Variants in ZZEF1 observed in about 807,000 individuals in gnomAD.
ZZEF1 encodes zinc finger ZZ-type and EF-hand domain containing 1.
Under a neutral mutation model 342.8 loss-of-function variants are expected in ZZEF1, and 157 were observed. That is an observed-to-expected ratio of 0.46 (90% confidence interval 0.40 to 0.52). The LOEUF (loss-of-function observed/expected upper bound fraction) is 0.52. ZZEF1 is among the 20% of genes least tolerant of loss of function. The pLI is 0.00. For synonymous variants in ZZEF1, 1,505 were observed against 1,429.1 expected (o/e 1.05, Z -1.20); for missense variants, 3,480 against 3,725.6 (o/e 0.93, Z 1.72).
chr17:4,140,751 C>T (rs1597958633), intron 1 of ZZEF1, among the ~76,000 whole-genome samples: 1 of 152,118 alleles, frequency 6.6e-6, no homozygotes, highest in African/African-American at 2.4e-5. Flanking sequence ...CTCCATTTGC[C>T]TTTGCTCAAA....
At chr17:4,128,713 C>T (rs1269114263) in intron 1 of ZZEF1, among the ~76,000 whole-genome samples, 1 of 151,196 alleles carries the variant, frequency 6.6e-6, no homozygotes, top group Non-Finnish European at 1.5e-5. Flanking sequence ...CTGCCTGCCT[C>T]GGCCTCCCAA....
At chr17:4,088,552 C>A in intron 13 of ZZEF1, 126 bp downstream of exon 13, 1 of 991,792 alleles carries the variant, frequency 1.0e-6, no homozygotes, top group Non-Finnish European at 1.5e-6. Context: ...CATGTCCCTG[C>A]AGCAGTACAA....
rs536595511 is a variant in ZZEF1, at chr17:4,092,265, CGA to C, written c.1914-1437_1914-1436del. On this transcript the variant is annotated intron_variant, in intron 11 of 54. Coordinates refer to ENST00000381638, the MANE Select transcript of ZZEF1 (RefSeq NM_015113.4). ...GGGAATTATGGCAAGAAGACAATCCCGAGTAGGTTCTGTAACAGAGAGAAAAC... is the reference window on the plus strand; with the variant it reads ...GGGAATTATGGCAAGAAGACAATCCCGTAGGTTCTGTAACAGAGAGAAAAC... Among the ~76,000 whole-genome samples, 592 of 149,686 alleles carry C rather than the reference CGA, an allele frequency of 4.0e-3. 4 individuals are homozygous for C. Among genetic ancestry groups the C allele is most frequent in the Middle Eastern group, 0.036 (10 of 280 alleles).
chr17:4,044,093 G>T, intron 38 of ZZEF1, 131 bp downstream of exon 38: 1 of 927,678 alleles, frequency 1.1e-6, no homozygotes, highest in Non-Finnish European at 1.7e-6. Flanking sequence ...AGCACCATCT[G>T]AACAGAACTG....
At chr17:4,125,629 A>C (rs1332830160) in intron 1 of ZZEF1, among the ~76,000 whole-genome samples, 1 of 152,234 alleles carries the variant, frequency 6.6e-6, no homozygotes, top group Non-Finnish European at 1.5e-5. Context: ...AAAGGAGAGC[A>C]GGTATTATCT....
chr17:4,049,149 G>A (rs1014470473), intron 37 of ZZEF1, among the ~76,000 whole-genome samples: 7 of 152,102 alleles, frequency 4.6e-5, no homozygotes, highest in South Asian at 2.1e-4. Flanking sequence ...CTCAAAGTAC[G>A]TCATATATAC....
At chr17:4,119,112 G>A (rs552742463) in intron 2 of ZZEF1, among the ~76,000 whole-genome samples, 131 of 152,282 alleles carry the variant, frequency 8.6e-4, no homozygotes, top group African/African-American at 3.0e-3. Flanking sequence ...TGGAGAAAAG[G>A]GCATTTGCCA....
intron 37 of ZZEF1, among the ~76,000 whole-genome samples, chr17:4,049,033 A>C (rs1448887513): frequency 6.6e-6 from 1 of 152,064 alleles, no homozygotes; most frequent in East Asian, 1.9e-4. Context: ...TTAGGTGCAC[A>C]ATCTTGTTTA....
intron 1 of ZZEF1, among the ~76,000 whole-genome samples, chr17:4,142,077 T>G (rs1004612202): frequency 6.6e-5 from 10 of 152,212 alleles, no homozygotes; most frequent in Non-Finnish European, 1.5e-4. Flanking sequence ...GAGGATAGGT[T>G]TTAGAATGTG....
Position 4,070,666 on chromosome 17 carries a change from T to G in ZZEF1, c.4075+18A>C. ...CAATTAGCCTTCAGATCAAAAATAT[T>G]CCCTGTAATAAAGTTACCATATTTT... On this transcript the variant is annotated intron_variant, in intron 26 of 54. Transcript: ENST00000381638. 6.2e-7 allele frequency: 1 copy of G among 1,607,360 alleles called. No homozygotes were observed. The highest frequency in any genetic ancestry group is 1.1e-5 in the South Asian group (1 of 89,828).
rs1401978774 is a variant in ZZEF1 at position 4,059,277 on chromosome 17, G to C, written c.4897C>G (p.Leu1633Val). ...TGTAGATCAGCACCACAGCCTTCCA[G>C]GTGTCCAAAATAACTAGAAACAGAG... ...QKDFTNYFGH[L>V]EGCGADLHKE... is the part of the protein sequence containing the mutation. The change falls in exon 31 of 55, where the codon CTG becomes GTG. Residue 1633 changes from leucine (L) to valine (V), a missense_variant. By Grantham distance (32) the Leu-to-Val change is conservative. Around this residue, in one of 5 missense-constraint regions of ZZEF1, gnomAD observed 1,528 missense variants for 1,624.1 expected, o/e 0.94. Transcript: ENST00000381638. 1 of 1,550,658 alleles carries C rather than the reference G, an allele frequency of 6.4e-7. No homozygotes were observed. The highest frequency in any genetic ancestry group is 8.7e-7 in the Non-Finnish European group (1 of 1,152,792).
intron 32 of ZZEF1, among the ~76,000 whole-genome samples, chr17:4,057,092 A>C (rs2057177400): frequency 6.6e-6 from 1 of 152,320 alleles, no homozygotes; most frequent in Non-Finnish European, 1.5e-5. Context: ...TTGGGCCTAC[A>C]CTCATACTCA....
At chr17:4,108,452 T>C (rs1437168009) in intron 6 of ZZEF1, among the ~76,000 whole-genome samples, 11 of 152,222 alleles carry the variant, frequency 7.2e-5, no homozygotes. Flanking sequence ...GAGGAATTGT[T>C]TCAGAATGAA....
intron 18 of ZZEF1, among the ~76,000 whole-genome samples, chr17:4,078,960 A>G (rs1246416037): frequency 6.6e-6 from 1 of 152,226 alleles, no homozygotes; most frequent in Non-Finnish European, 1.5e-5. Flanking sequence ...ATTCAGGGAA[A>G]CACATTAATA....
At chr17:4,067,751 A>G (rs907373866) in intron 26 of ZZEF1, among the ~76,000 whole-genome samples, 1 of 152,092 alleles carries the variant, frequency 6.6e-6, no homozygotes, top group Non-Finnish European at 1.5e-5. Flanking sequence ...AATTTTTTTA[A>G]GAGATAGGGT....
At position 4,054,088 on chromosome 17, in the gene ZZEF1, G is replaced by A. The variant is rs749822442; in HGVS notation, c.5403C>T (p.Ser1801=). 1.9e-5 allele frequency: 31 copies of A among 1,613,452 alleles called. No individual in the cohort carries two copies. The highest frequency in any genetic ancestry group is 1.7e-4 in the Middle Eastern group (1 of 6,058). ...PWHRYRCLQC[S]DMDLCKTCFL... ...AGCAAGTTTTGCAGAGATCCATGTC[G>A]CTGCACTGCAGACAGCGGTATCGAT... The change falls in exon 34 of 55, where the codon AGC becomes AGT. Residue 1801 remains serine, a synonymous_variant. Coordinates refer to ENST00000381638, the MANE Select transcript of ZZEF1 (RefSeq NM_015113.4).
chr17:4,045,897 G>A (rs1413509112), intron 37 of ZZEF1, among the ~76,000 whole-genome samples: 5 of 150,694 alleles, frequency 3.3e-5, no homozygotes, highest in South Asian at 2.1e-4. Flanking sequence ...GCGCCATCTC[G>A]GCTCACTGCA....
chr17:4,034,585 C>T (rs769417869), intron 39 of ZZEF1, among the ~76,000 whole-genome samples: 10 of 152,110 alleles, frequency 6.6e-5, no homozygotes, highest in South Asian at 4.1e-4. Flanking sequence ...TTCAGAAACA[C>T]GCAAAAGTTA....
At chr17:4,023,294 C>T (rs1266756622) in intron 43 of ZZEF1, among the ~76,000 whole-genome samples, 1 of 152,106 alleles carries the variant, frequency 6.6e-6, no homozygotes, top group African/African-American at 2.4e-5. Flanking sequence ...CTCGCAGGCC[C>T]CCTGTTGTCT....
Sources: allele counts gnomAD v4.1 joint callset (sites outside exome capture counted in the v4.1 genomes callset), GRCh38; gene constraint gnomAD v4.1.1; regional missense constraint gnomAD v4.1.1; transcripts MANE v1.5; gene names NCBI Gene and HGNC (gene_info 2026-07-23, HGNC 2026-07-21).